FGFR1: variants seen among roughly 807,000 people sequenced by gnomAD.
FGFR1 encodes fibroblast growth factor receptor 1.
In FGFR1, 18 loss-of-function variants were observed where a neutral mutation model predicts 93.7. The observed-to-expected ratio is 0.19, with a 90% confidence interval of 0.13 to 0.28. FGFR1 has a LOEUF of 0.28. FGFR1 is among the 10% of genes least tolerant of loss of function. The probability of loss-of-function intolerance (pLI) is 1.00; values close to 1 mark genes in which losing one functional copy is unlikely to be tolerated. For synonymous variants in FGFR1, 448 were observed against 429.3 expected, an observed-to-expected ratio of 1.04 and a Z score of -0.54; for missense variants, 731 against 1,080.4, an observed-to-expected ratio of 0.68 and a Z score of 4.53.
chr8:38,413,416 C>T lies in FGFR1; in HGVS notation c.*212G>A, dbSNP rs1815042970. 5.1e-6 allele frequency: 3 copies of T among 583,806 alleles called. No homozygotes were observed. The Admixed American group carries it at 9.4e-5, about 18-fold the overall frequency. The allele number at this position is 583,806 out of a possible 1,614,324, so 36.2% of individuals were successfully genotyped here. ...GAAGTGGCTGGCAGCAAAGATCTGC[C>T]TCTTTGCACCTCTCACCAGCAGGTG... On this transcript the variant is annotated 3_prime_UTR_variant, in exon 18 of 18. Coordinates refer to ENST00000447712, the MANE Select transcript of FGFR1 (RefSeq NM_023110.3). This position sits in a 1 kb window ranked among gnomAD's most constrained non-coding sequence, Gnocchi z 4.2.
At chr8:38,420,158 T>A (rs913258403) in intron 8 of FGFR1, 1 of 190,450 alleles carries the variant, frequency 5.3e-6, no homozygotes, top group Admixed American at 5.4e-5. Flanking sequence ...GCACTTAACA[T>A]GCGGGGACAC....
Position 38,457,339 on chromosome 8 carries a change from C to A in FGFR1, c.91+17G>T. The A allele has an allele frequency of 6.2e-7, 1 of 1,610,704 alleles. No individual in the cohort carries two copies. Among genetic ancestry groups the A allele is most frequent in the Non-Finnish European group, 8.5e-7 (1 of 1,179,846 alleles). ...CCAAGGCCCAGGAGTCCAGGCTGCC[C>A]CCAGCCAGCACCTTACCTTGTTCAG... On this transcript the variant is annotated intron_variant, in intron 2 of 17. Transcript: ENST00000447712.
rs1835971823 is a variant in FGFR1, at chr8:38,468,334, G to A, written c.-442C>T. ...ATCGCCCTGCGGAGGCCCCGGCGCC[G>A]CGGCGTGCCCGACTGCAGCACGGGT... On this transcript the variant is annotated 5_prime_UTR_variant, in exon 1 of 18. Transcript: ENST00000447712. The A allele has an allele frequency of 4.4e-6, 1 of 228,260 alleles. No homozygotes were observed. The highest frequency in any genetic ancestry group is 6.1e-5 in the East Asian group (1 of 16,358). The allele number at this position is 228,260 out of a possible 1,614,324, so 14.1% of individuals were successfully genotyped here.
chr8:38,447,816 G>C (rs1161051101), intron 2 of FGFR1, among the ~76,000 whole-genome samples: 1 of 152,102 alleles, frequency 6.6e-6, no homozygotes, highest in Non-Finnish European at 1.5e-5. Context: ...ACATTTACTG[G>C]TATAATCTTT....
chr8:38,460,165 G>A (rs539621509), intron 1 of FGFR1, among the ~76,000 whole-genome samples: 4 of 152,206 alleles, frequency 2.6e-5, no homozygotes, highest in East Asian at 1.9e-4. Flanking sequence ...CCTGGGTGAC[G>A]GAGTGAGACT....
intron 8 of FGFR1, among the ~76,000 whole-genome samples, chr8:38,420,621 C>G (rs1818368408): frequency 6.6e-6 from 1 of 152,126 alleles, no homozygotes; most frequent in Non-Finnish European, 1.5e-5. Context: ...GGCTGGGAGG[C>G]TTTCATCCCA....
Position 38,426,344 on chromosome 8 carries a change from G to T in FGFR1, c.622-99C>A. The T allele has an allele frequency of 6.4e-7, 1 of 1,552,278 alleles. No individual in the cohort carries two copies. The highest frequency in any genetic ancestry group is 8.8e-7 in the Non-Finnish European group (1 of 1,135,550). On this transcript the variant is annotated intron_variant, in intron 5 of 17. Coordinates refer to ENST00000447712, the MANE Select transcript of FGFR1 (RefSeq NM_023110.3). The surrounding 1 kb of genome is among the most constrained non-coding windows in gnomAD (Gnocchi z 4.1). ...CGTGGCACCTGCCCTCCATATCAGA[G>T]CCTGGTGGCACAGGGCCCCAGGCTG...
intron 2 of FGFR1, among the ~76,000 whole-genome samples, chr8:38,453,550 C>G (rs983999460): frequency 6.6e-6 from 1 of 152,180 alleles, no homozygotes; most frequent in Non-Finnish European, 1.5e-5. Context: ...CCCACCCAGG[C>G]TTGCACATGA....
At chr8:38,450,200 G>A (rs991542442) in intron 2 of FGFR1, among the ~76,000 whole-genome samples, 1 of 152,186 alleles carries the variant, frequency 6.6e-6, no homozygotes, top group Non-Finnish European at 1.5e-5. Context: ...TGGGTGGGGA[G>A]AAGGGATTGC....
In FGFR1 at chr8:38,413,066, G is replaced by A. The variant is rs1188301169; in HGVS notation, c.*562C>T. 1.3e-5 allele frequency: 3 copies of A among 237,344 alleles called. No homozygotes were observed. Among genetic ancestry groups the A allele is most frequent in the East Asian group, 1.2e-4 (2 of 16,668 alleles). 14.7% of individuals were successfully genotyped at this position (237,344 alleles called of 1,614,324 possible). A position where few individuals can be genotyped will look rare whatever the true frequency, so the allele number is the denominator to read the frequency against. On this transcript the variant is annotated 3_prime_UTR_variant, in exon 18 of 18. Transcript: ENST00000447712. This position sits in a 1 kb window ranked among gnomAD's most constrained non-coding sequence, Gnocchi z 4.2. ...CAACACTGCCCCCAACCTGGCCTTC[G>A]CCTCACCATCCTCTGGTACCAGGCA...
chr8:38,420,628 C>T (rs1299933182), intron 8 of FGFR1, among the ~76,000 whole-genome samples: 3 of 152,098 alleles, frequency 2.0e-5, no homozygotes, highest in Non-Finnish European at 2.9e-5. Flanking sequence ...AGGCTTTCAT[C>T]CCAGCACGCA....
intron 7 of FGFR1, chr8:38,423,287 T>G (rs1586264908): frequency 1.5e-6 from 1 of 661,962 alleles, no homozygotes; most frequent in Non-Finnish European, 2.7e-6. Flanking sequence ...AGATGTTAAG[T>G]GAGATTTATT....
At chr8:38,444,008 G>C (rs551818966) in intron 2 of FGFR1, among the ~76,000 whole-genome samples, 1 of 126,968 alleles carries the variant, frequency 7.9e-6, no homozygotes, top group South Asian at 2.5e-4. Context: ...AGCTGAGATC[G>C]CACCATTGCA....
At chr8:38,419,959 G>GC (rs1211918575) in intron 8 of FGFR1, 6 of 570,764 alleles carry the variant, frequency 1.1e-5, no homozygotes, top group Non-Finnish European at 1.9e-5. Context: ...AAAAGGGATG[G>GC]CCTAGAACCA....
At chr8:38,446,700 C>T (rs1472076725) in intron 2 of FGFR1, among the ~76,000 whole-genome samples, 6 of 152,176 alleles carry the variant, frequency 3.9e-5, no homozygotes, top group Non-Finnish European at 8.8e-5. Flanking sequence ...TGAGCCACTG[C>T]GCCTGGCCCT....
chr8:38,450,298 C>G (rs888552961), intron 2 of FGFR1, among the ~76,000 whole-genome samples: 4 of 152,184 alleles, frequency 2.6e-5, no homozygotes, highest in African/African-American at 9.7e-5. Context: ...AGCAGCTGGA[C>G]TTCCCCGGTC....
At chr8:38,430,248 C>A (rs1390323706) in intron 2 of FGFR1, 2 of 404,694 alleles carry the variant, frequency 4.9e-6, no homozygotes, top group Non-Finnish European at 9.0e-6. Flanking sequence ...TTCATTTCCC[C>A]CATCCTAAGG....
rs1204033744 is a variant in FGFR1, at chr8:38,457,618, G to A, written c.-88-84C>T. On this transcript the variant is annotated intron_variant, in intron 1 of 17. Transcript: ENST00000447712. ...AAAAACAGAAGGTAAAGTATGCCAT[G>A]TGGTGGCTGCTTAAAGTGTGGACTT... The A allele has an allele frequency of 1.5e-5, 20 of 1,377,410 alleles. No homozygotes were observed. In the African/African-American group the frequency reaches 2.6e-4, roughly 18 times the overall value. The allele number at this position is 1,377,410 out of a possible 1,614,324, so 85.3% of individuals were successfully genotyped here.
At chr8:38,427,280 T>A (rs185353188) in intron 5 of FGFR1, among the ~76,000 whole-genome samples, 3 of 152,206 alleles carry the variant, frequency 2.0e-5, no homozygotes, top group Admixed American at 1.3e-4. Context: ...ATTATAGGAC[T>A]TTTTCTGTTG....
Sources: allele counts gnomAD v4.1 joint callset (sites outside exome capture counted in the v4.1 genomes callset), GRCh38; gene constraint gnomAD v4.1.1; non-coding constraint Gnocchi (gnomAD v3.1); transcripts MANE v1.5; gene names NCBI Gene and HGNC (gene_info 2026-07-23, HGNC 2026-07-21).